Variants in FAM200B observed in about 807,000 individuals in gnomAD.
FAM200B encodes the protein zinc finger BED-type containing 11.
FAM200B carries 32 observed loss-of-function variants against 33.1 expected under a neutral mutation model. That is an observed-to-expected ratio of 0.97 (90% confidence interval 0.73 to 1.30). The LOEUF is 1.30. Among genes scored for constraint, FAM200B ranks in the 50% most tolerant of loss-of-function variants. FAM200B has a pLI of 0.00. For missense variants in FAM200B, 741 were observed against 754.0 expected (o/e 0.98, Z 0.20); for synonymous variants, 240 against 264.8 (o/e 0.91, Z 0.91).
In FAM200B at chr4:15,689,752, G is replaced by A. The variant is rs1417067079; in HGVS notation, c.*801G>A. On this transcript the variant is annotated 3_prime_UTR_variant, in exon 2 of 2. Transcript: ENST00000422728. ...TGATTGCACCACTGCAGTCCAGCCTGAGCAACAGAGTGAAACCCTGTCTCG... is the reference window on the plus strand; with the variant it reads ...TGATTGCACCACTGCAGTCCAGCCTAAGCAACAGAGTGAAACCCTGTCTCG... The A allele has an allele frequency of 6.1e-6, 1 of 163,118 alleles. No homozygotes were observed. The highest frequency in any genetic ancestry group is 1.9e-4 in the East Asian group (1 of 5,212). 10.1% of individuals were successfully genotyped at this position (163,118 alleles called of 1,614,324 possible).
At chr4:15,646,792 G>A in the FAM200B span, among the ~76,000 whole-genome samples, 52 of 149,488 alleles carry the variant, frequency 3.5e-4, no homozygotes, top group Admixed American at 1.2e-3. Flanking sequence ...GAGAACATGC[G>A]GTGTTTGGTT....
chr4:15,654,141 T>C, the FAM200B span, among the ~76,000 whole-genome samples: 4 of 152,218 alleles, frequency 2.6e-5, no homozygotes, highest in East Asian at 7.7e-4. Context: ...GGCTGAGCTA[T>C]GAAACACCCC....
At chr4:15,661,465 T>G in the FAM200B span, among the ~76,000 whole-genome samples, 1 of 152,350 alleles carries the variant, frequency 6.6e-6, no homozygotes, top group Non-Finnish European at 1.5e-5. Flanking sequence ...TTGGTCATGA[T>G]GTTCTCTTTG....
chr4:15,684,168 G>C (rs1718612129), intron 1 of FAM200B, among the ~76,000 whole-genome samples: 1 of 152,190 alleles, frequency 6.6e-6, no homozygotes, highest in Admixed American at 6.6e-5. Context: ...CACATTTATA[G>C]GTCTTTGGTG....
At chr4:15,652,689 G>C in the FAM200B span, among the ~76,000 whole-genome samples, 4 of 152,132 alleles carry the variant, frequency 2.6e-5, no homozygotes, top group Admixed American at 2.6e-4. Context: ...CATATAAGTG[G>C]TTTACTTGAT....
At chr4:15,643,853 T>G in the FAM200B span, among the ~76,000 whole-genome samples, 13,901 of 152,298 alleles carry the variant, frequency 0.091, 773 homozygotes, top group Non-Finnish European at 0.12. Context: ...TGTAAAAATT[T>G]TATAATTAAA....
the FAM200B span, among the ~76,000 whole-genome samples, chr4:15,648,523 C>T: frequency 6.6e-6 from 1 of 152,156 alleles, no homozygotes; most frequent in East Asian, 1.9e-4. Context: ...GTGATATATA[C>T]AATAAAATAT....
the FAM200B span, chr4:15,638,732 A>T: frequency 7.8e-7 from 1 of 1,277,856 alleles, no homozygotes; most frequent in Non-Finnish European, 1.1e-6. Context: ...AAGATGCTTC[A>T]TTCGTGTTGA....
the FAM200B span, among the ~76,000 whole-genome samples, chr4:15,671,587 T>A: frequency 6.6e-6 from 1 of 152,172 alleles, no homozygotes; most frequent in East Asian, 1.9e-4. Flanking sequence ...GTGGTTTTTT[T>A]ATGCTTCTTG....
the FAM200B span, chr4:15,644,739 T>C: frequency 6.7e-7 from 1 of 1,487,470 alleles, no homozygotes; most frequent in Non-Finnish European, 9.2e-7. Flanking sequence ...AAAAGTGTAA[T>C]AAATACGTGC....
At chr4:15,652,288 G>T in the FAM200B span, among the ~76,000 whole-genome samples, 2 of 152,186 alleles carry the variant, frequency 1.3e-5, no homozygotes, top group Admixed American at 1.3e-4. Context: ...AAACTACTAT[G>T]ATTTAATATA....
chr4:15,669,464 G>A, the FAM200B span, among the ~76,000 whole-genome samples: 5 of 152,094 alleles, frequency 3.3e-5, no homozygotes, highest in Admixed American at 2.6e-4. Flanking sequence ...AATATCTATT[G>A]CTAGATAATA....
the FAM200B span, among the ~76,000 whole-genome samples, chr4:15,671,911 C>A: frequency 6.6e-6 from 1 of 152,170 alleles, no homozygotes; most frequent in Non-Finnish European, 1.5e-5. Flanking sequence ...CATCTATCTT[C>A]CATGTCTCTA....
At chr4:15,656,101 A>T in the FAM200B span, 2 of 446,224 alleles carry the variant, frequency 4.5e-6, no homozygotes, top group South Asian at 3.1e-5. Context: ...AACGCGGGTC[A>T]GGGATAGGCC....
the FAM200B span, among the ~76,000 whole-genome samples, chr4:15,674,110 A>C: frequency 6.6e-6 from 1 of 152,164 alleles, no homozygotes; most frequent in African/African-American, 2.4e-5. Context: ...TGAATCAAAA[A>C]CTGAGTTATG....
At chr4:15,640,626 T>G in the FAM200B span, among the ~76,000 whole-genome samples, 2 of 146,230 alleles carry the variant, frequency 1.4e-5, no homozygotes, top group Admixed American at 6.8e-5. Context: ...AAAACAAACG[T>G]TTTTTTTTTC....
chr4:15,687,269 T>C lies in FAM200B; in HGVS notation c.292T>C (p.Leu98=). The change falls in exon 2 of 2, where the codon TTA becomes CTA. Residue 98 remains leucine, a synonymous_variant. Transcript: ENST00000422728. ...TAATAATATTCTTGCGAATGAAAGC[T>C]TAAAACCTTCGAAATTAAAAAGGCA... ...ICNNILANES[L]KPSKLKRHLE... 1 of 1,548,310 alleles carries C rather than the reference T, an allele frequency of 6.5e-7. No individual in the cohort carries two copies. Among genetic ancestry groups the C allele is most frequent in the East Asian group, 2.4e-5 (1 of 40,826 alleles).
the FAM200B span, among the ~76,000 whole-genome samples, chr4:15,666,306 GGAAGA>G: frequency 1.3e-5 from 2 of 151,866 alleles, no homozygotes; most frequent in African/African-American, 4.8e-5. Context: ...GGCTGAGGTG[GGAAGA>G]TTGCTTGAGC....
the FAM200B span, among the ~76,000 whole-genome samples, chr4:15,670,316 G>A: frequency 2.6e-5 from 4 of 152,166 alleles, no homozygotes; most frequent in East Asian, 1.9e-4. Context: ...TGATAGATAC[G>A]TTTAACTTTA....
Sources: gnomAD v4.1 joint callset for allele counts (sites outside exome capture counted in the v4.1 genomes callset) on GRCh38, gnomAD v4.1.1 for gene constraint, MANE v1.5 for transcripts, NCBI Gene and HGNC (gene_info 2026-07-23, HGNC 2026-07-21) for gene names.